Variants in ZNF544 observed in about 807,000 individuals in gnomAD.
ZNF544 encodes the protein zinc finger protein AF020591.
In ZNF544, 10 loss-of-function variants were observed where a neutral mutation model predicts 13.5. That is an observed-to-expected ratio of 0.74 (90% CI 0.46 to 1.25). ZNF544 has a LOEUF of 1.25. ZNF544 is among the 50% of genes most tolerant of loss of function. ZNF544 has a pLI of 0.00. For synonymous variants in ZNF544, 323 were observed against 300.5 expected, an observed-to-expected ratio of 1.07 and a Z score of -0.77; for missense variants, 896 against 845.6, an observed-to-expected ratio of 1.06 and a Z score of -0.74.
In ZNF544 at chr19:58,262,543, ACCTTGTGATG is replaced by A. The variant is rs1418980702; in HGVS notation, c.1939_1948del (p.Leu647IlefsTer55). The A allele has an allele frequency of 6.2e-7, 1 of 1,614,198 alleles. No homozygotes were observed. Among genetic ancestry groups the A allele is most frequent in the Non-Finnish European group, 8.5e-7 (1 of 1,180,012 alleles). ...AATAAAGCCTTTGCAAGGAGCTCCTACCTTGTGATGCATCAGAGAACTCACACTGGTGAGA... is the reference window on the plus strand; with the variant it reads ...AATAAAGCCTTTGCAAGGAGCTCCTACATCAGAGAACTCACACTGGTGAGA... On this transcript the variant is annotated frameshift_variant, in exon 7 of 7. Transcript: ENST00000687789. LOFTEE classifies it low-confidence loss of function (END_TRUNC).
At position 58,274,075 on chromosome 19, in the gene ZNF544, T is replaced by C. The variant is rs539284552; in HGVS notation, c.245-2248T>C. ...TCCCAAAGTGCTGGGATTACAAGTG[T>C]GAGCCACCGTGCCCGGCTCCTAAAC... On this transcript the variant is annotated intron_variant, in intron 5 of 6. Coordinates refer to the ZNF544 transcript ENST00000595981. Among the ~76,000 whole-genome samples, 4 of 152,300 alleles carry C rather than the reference T, an allele frequency of 2.6e-5. No homozygotes were observed. In the South Asian group the frequency reaches 8.3e-4, roughly 32 times the overall value.
rs994921036 is a variant in ZNF544, at chr19:58,262,922, G to A, written c.*168G>A. ...TGGAGAAAAGCCCTACGAATGCATT[G>A]ATTGTGGGAAAGCCTTCAATGATCG... On this transcript the variant is annotated 3_prime_UTR_variant, in exon 7 of 7. Coordinates refer to ENST00000687789, the MANE Select transcript of ZNF544 (RefSeq NM_014480.4). 1 of 1,441,394 alleles carries A rather than the reference G, an allele frequency of 6.9e-7. No homozygotes were observed. The highest frequency in any genetic ancestry group is 1.5e-5 in the South Asian group (1 of 65,886). 89.3% of individuals were successfully genotyped at this position (1,441,394 alleles called of 1,614,324 possible).
rs540183311 is a variant in ZNF544 at position 58,274,152 on chromosome 19, C to T, written c.245-2171C>T. Among the ~76,000 whole-genome samples the T allele has an allele frequency of 1.8e-4, 28 of 151,844 alleles. 1 individual carries two copies. The highest frequency in any genetic ancestry group is 7.2e-4 in the Admixed American group (11 of 15,224). On this transcript the variant is annotated intron_variant, in intron 5 of 6. Coordinates refer to the ZNF544 transcript ENST00000595981. ...ATATTTGGTGTATTAGGAATTAAAA[C>T]GGAAAAAAATTAATATATTTTATTA... is the stretch of plus-strand genomic sequence containing the variant.
chr19:58,269,422 C>T (rs970631610), intron 5 of ZNF544, among the ~76,000 whole-genome samples: 6 of 142,768 alleles, frequency 4.2e-5, no homozygotes, highest in African/African-American at 1.3e-4. Context: ...GGCGACAAAG[C>T]GAGACTCTGT....
Position 58,260,848 on chromosome 19 carries a change from C to T in ZNF544, c.245-3C>T. The T allele has an allele frequency of 3.9e-6, 6 of 1,551,784 alleles. No homozygotes were observed. The highest frequency in any genetic ancestry group is 1.2e-5 in the South Asian group (1 of 82,234). On this transcript the variant is annotated splice_polypyrimidine_tract_variant and splice_region_variant and intron_variant, in intron 6 of 6. Transcript: ENST00000687789. ...TAACTTAGGCATTTTGGATTTCTTT[C>T]AGACTGGAAAGCTACCCTTGAGGAG...
intron 6 of ZNF544, 56 bp from the exon 7 acceptor site, chr19:58,260,795 T>C (rs1200478666): frequency 2.4e-5 from 33 of 1,366,988 alleles, no homozygotes; most frequent in Middle Eastern, 2.2e-4. Flanking sequence ...CATCTCCCCC[T>C]CCCCCTCCCC....
At chr19:58,265,324 C>G (rs895360879), downstream of ZNF544, among the ~76,000 whole-genome samples, 2 of 128,612 alleles carry the variant, frequency 1.6e-5, no homozygotes, top group Non-Finnish European at 3.5e-5. Flanking sequence ...TTAAGACAGT[C>G]TCACTCTGTT....
intron 3 of ZNF544, among the ~76,000 whole-genome samples, chr19:58,239,651 C>G (rs2043143910): frequency 6.6e-6 from 1 of 152,306 alleles, no homozygotes; most frequent in African/African-American, 2.4e-5. Context: ...ATAATCCCAG[C>G]ACTTTGGGAG....
At position 58,262,458 on chromosome 19, in the gene ZNF544, C is replaced by G. The variant is rs753052025; in HGVS notation, c.1852C>G (p.Gln618Glu). The G allele has an allele frequency of 3.1e-6, 5 of 1,614,140 alleles. No homozygotes were observed. Among genetic ancestry groups the G allele is most frequent in the Non-Finnish European group, 4.2e-6 (5 of 1,180,020 alleles). The change falls in exon 7 of 7, where the codon CAG becomes GAG. Residue 618 changes from glutamine to glutamate, a missense_variant. Gln to Glu is a conservative substitution (Grantham distance 29). Coordinates refer to ENST00000687789, the MANE Select transcript of ZNF544 (RefSeq NM_014480.4). ...TGGAAAAGCCTTCAATCGAAGCACT[C>G]AGCTCATCAGGCATCTGCAAATTCA... ...ECGKAFNRST[Q>E]LIRHLQIHTG...
intron 3 of ZNF544, among the ~76,000 whole-genome samples, chr19:58,238,421 G>A (rs1002098282): frequency 1.3e-5 from 2 of 152,152 alleles, no homozygotes; most frequent in Admixed American, 6.6e-5. Context: ...GTGGTAACCC[G>A]CACAAGAAAC....
intron 3 of ZNF544, among the ~76,000 whole-genome samples, chr19:58,231,449 G>A (rs570642599): frequency 1.8e-3 from 274 of 152,312 alleles, no homozygotes; most frequent in Non-Finnish European, 3.2e-3. Context: ...TACAGTGCCT[G>A]GCCTGTAGGA....
At chr19:58,265,669 C>T (rs1030261726), downstream of ZNF544, among the ~76,000 whole-genome samples, 1 of 152,060 alleles carries the variant, frequency 6.6e-6, no homozygotes, top group Non-Finnish European at 1.5e-5. Context: ...AGTCATGGCT[C>T]ACTGCAGCCT....
chr19:58,264,384 C>CAAAAA (rs34082011), downstream of ZNF544, among the ~76,000 whole-genome samples: 2 of 91,246 alleles, frequency 2.2e-5, no homozygotes, highest in African/African-American at 8.3e-5. Context: ...AACTTCATCT[C>CAAAAA]AAAAAAAAAA....
intron 6 of ZNF544, chr19:58,251,352 A>C (rs763702079): frequency 3.9e-6 from 2 of 519,036 alleles, no homozygotes; most frequent in Non-Finnish European, 7.7e-6. Context: ...GGCTGATGGG[A>C]GCTTCAGGTT....
downstream of ZNF544, among the ~76,000 whole-genome samples, chr19:58,265,282 A>ATATCTATT (rs2049715469): frequency 6.8e-6 from 1 of 147,346 alleles, no homozygotes; most frequent in African/African-American, 2.5e-5. Context: ...CCATGTCTGC[A>ATATCTATT]TATTTATTTA....
chr19:58,268,474 AAATTT>A (rs1459505019), downstream of ZNF544, among the ~76,000 whole-genome samples: 5 of 152,332 alleles, frequency 3.3e-5, no homozygotes, highest in Non-Finnish European at 7.4e-5. Flanking sequence ...CTCAAAACAT[AAATTT>A]AATTCTCTCA....
intron 3 of ZNF544, among the ~76,000 whole-genome samples, chr19:58,241,041 TACTCACTGCAATCTCAACCTCCTGG>T (rs1243422415): frequency 7.2e-6 from 1 of 138,346 alleles, no homozygotes; most frequent in Non-Finnish European, 1.6e-5. Context: ...GCACGATCAC[TACTCACTGCAATCTCAACCTCCTGG>T]GCTCAAGCAA....
intron 6 of ZNF544, chr19:58,257,923 C>T (rs1446465648): frequency 2.6e-5 from 4 of 152,292 alleles, no homozygotes; most frequent in African/African-American, 9.7e-5. Flanking sequence ...TCGTGTCTTC[C>T]TGCTCCTCCT....
At chr19:58,275,707 C>CAA (rs2051158749) in intron 5 of ZNF544, among the ~76,000 whole-genome samples, 1 of 142,058 alleles carries the variant, frequency 7.0e-6, no homozygotes, top group Non-Finnish European at 1.5e-5. Flanking sequence ...ATCCCTTGAG[C>CAA]CCAAGAGGTT....
Sources: gnomAD v4.1 joint callset for allele counts (sites outside exome capture counted in the v4.1 genomes callset) on GRCh38, gnomAD v4.1.1 for gene constraint, MANE v1.5 for transcripts, NCBI Gene and HGNC (gene_info 2026-07-23, HGNC 2026-07-21) for gene names.